EIF4G3: variants seen among roughly 807,000 people sequenced by gnomAD.
EIF4G3 encodes the protein eIF-4-gamma 3.
EIF4G3 carries 34 observed loss-of-function variants against 186.4 expected under a neutral mutation model. That is an observed-to-expected ratio of 0.18 (90% CI 0.14 to 0.24). EIF4G3 has a LOEUF of 0.24. Among genes scored for constraint, EIF4G3 ranks in the 10% least tolerant of loss-of-function variants. The probability of loss-of-function intolerance (pLI) is 1.00; values close to 1 mark genes in which losing one functional copy is unlikely to be tolerated. For missense variants in EIF4G3, 1,536 were observed against 1,948.5 expected, an observed-to-expected ratio of 0.79 and a Z score of 3.99; for synonymous variants, 673 against 679.5, an observed-to-expected ratio of 0.99 and a Z score of 0.15.
chr1:20,835,274 AAG>A (rs1313134539), intron 30 of EIF4G3, among the ~76,000 whole-genome samples: 1 of 152,212 alleles, frequency 6.6e-6, no homozygotes, highest in African/African-American at 2.4e-5. Flanking sequence ...TATATCAAAA[AAG>A]AAAAAAGATC....
chr1:21,140,328 T>C (rs1467921855), intron 2 of EIF4G3, among the ~76,000 whole-genome samples: 1 of 152,202 alleles, frequency 6.6e-6, no homozygotes, highest in African/African-American at 2.4e-5. Context: ...TTTTTTTCTT[T>C]TTTGAGACAG....
chr1:21,063,564 G>C (rs1410160893), intron 3 of EIF4G3, among the ~76,000 whole-genome samples: 1 of 151,858 alleles, frequency 6.6e-6, no homozygotes, highest in East Asian at 1.9e-4. Context: ...AGTAAAGAAA[G>C]CAGGACAGAA....
At chr1:20,864,334 C>A in intron 22 of EIF4G3, 142 bp downstream of exon 22, 1 of 696,000 alleles carries the variant, frequency 1.4e-6, no homozygotes, top group Non-Finnish European at 2.5e-6. Flanking sequence ...GATGGTTGAA[C>A]ACTGACAATG....
chr1:20,981,384 A>C (rs1195170501), intron 8 of EIF4G3, 157 bp from the exon 9 acceptor site: 3 of 597,030 alleles, frequency 5.0e-6, no homozygotes, highest in Admixed American at 3.1e-5. Flanking sequence ...CTGGGTTCCC[A>C]AAAATATACC....
At position 20,817,500 on chromosome 1, in the gene EIF4G3, A is replaced by C. The variant is rs750974872; in HGVS notation, c.4407T>G (p.Ser1469=). The C allele has an allele frequency of 6.2e-7, 1 of 1,607,050 alleles. No homozygotes were observed. The highest frequency in any genetic ancestry group is 8.5e-7 in the Non-Finnish European group (1 of 1,175,954). ...ACAGTTCTTTCTTTGAAAGTGCTTCAGAGGAACAGGGACTGTCAGACTCTA... is the reference window on the plus strand; with the variant it reads ...ACAGTTCTTTCTTTGAAAGTGCTTCCGAGGAACAGGGACTGTCAGACTCTA... ...DFIESDSPCS[S]EALSKKELSA... is the part of the protein sequence containing the mutation. The change falls in exon 34 of 37, where the codon TCT becomes TCG. Residue 1469 remains serine (S), a synonymous_variant. Coordinates refer to ENST00000602326, the MANE Select transcript of EIF4G3 (RefSeq NM_001391906.1).
chr1:20,893,064 C>T, intron 18 of EIF4G3: 1 of 234,356 alleles, frequency 4.3e-6, no homozygotes, highest in Non-Finnish European at 8.2e-6. Flanking sequence ...TAAGCATGCG[C>T]CAGCATGCCT....
intron 14 of EIF4G3, among the ~76,000 whole-genome samples, chr1:20,938,848 C>A (rs1205800752): frequency 6.6e-6 from 1 of 152,154 alleles, no homozygotes; most frequent in Non-Finnish European, 1.5e-5. Context: ...GTGGCTCATG[C>A]CTGTAATCCC....
intron 36 of EIF4G3, among the ~76,000 whole-genome samples, chr1:20,809,303 T>C (rs577118700): frequency 5.3e-5 from 8 of 152,224 alleles, no homozygotes; most frequent in Non-Finnish European, 1.0e-4. Context: ...TCATGGTAGA[T>C]TGTCTCTTCA....
At chr1:21,008,307 A>C (rs891440548) in intron 4 of EIF4G3, among the ~76,000 whole-genome samples, 2 of 152,044 alleles carry the variant, frequency 1.3e-5, no homozygotes, top group African/African-American at 4.8e-5. Context: ...ATAAGGCCTA[A>C]GATAGATGAC....
At chr1:21,063,705 T>TG (rs59671548) in intron 3 of EIF4G3, among the ~76,000 whole-genome samples, 484 of 45,510 alleles carry the variant, frequency 0.011, 1 homozygote, top group Middle Eastern at 0.04. Context: ...CTTTTCATTT[T>TG]GGGGGGGGGG....
chr1:21,041,693 T>C (rs2093590727), intron 4 of EIF4G3, among the ~76,000 whole-genome samples: 1 of 152,202 alleles, frequency 6.6e-6, no homozygotes, highest in African/African-American at 2.4e-5. Flanking sequence ...TAACAAAATG[T>C]TGGCAACATG....
intron 15 of EIF4G3, among the ~76,000 whole-genome samples, chr1:20,900,402 A>G (rs2089883799): frequency 6.6e-6 from 1 of 152,090 alleles, no homozygotes; most frequent in Non-Finnish European, 1.5e-5. Flanking sequence ...AAGTCCTATA[A>G]AACTGATCAT....
intron 12 of EIF4G3, among the ~76,000 whole-genome samples, chr1:20,951,233 A>G (rs1469752297): frequency 1.3e-5 from 2 of 152,142 alleles, no homozygotes; most frequent in Non-Finnish European, 2.9e-5. Flanking sequence ...ACAATTTAGG[A>G]TGATAGATAT....
At chr1:20,997,972 GTTATA>G (rs1209414047) in intron 6 of EIF4G3, among the ~76,000 whole-genome samples, 1 of 151,298 alleles carries the variant, frequency 6.6e-6, no homozygotes, top group African/African-American at 2.4e-5. Context: ...AAATTAAGTG[GTTATA>G]TTAAGACAAA....
At chr1:20,898,873 G>A (rs2089346719) in intron 16 of EIF4G3, among the ~76,000 whole-genome samples, 1 of 152,188 alleles carries the variant, frequency 6.6e-6, no homozygotes, top group Admixed American at 6.5e-5. Flanking sequence ...TGAAATTACA[G>A]GCATGTGCCA....
intron 12 of EIF4G3, among the ~76,000 whole-genome samples, chr1:20,952,589 C>T (rs1238460014): frequency 6.6e-6 from 1 of 152,176 alleles, no homozygotes; most frequent in Non-Finnish European, 1.5e-5. Context: ...TGGCTCATGC[C>T]TGTAATCCCA....
chr1:21,176,145 G>A, intron 2 of EIF4G3, 30 bp downstream of exon 2: 1 of 370,922 alleles, frequency 2.7e-6, no homozygotes. Context: ...GACGAGAACC[G>A]AAGGGCCGAC....
intron 33 of EIF4G3, among the ~76,000 whole-genome samples, chr1:20,824,784 C>T (rs1422829037): frequency 3.9e-5 from 6 of 152,204 alleles, no homozygotes; most frequent in African/African-American, 1.4e-4. Flanking sequence ...CTGCTTCTGG[C>T]CTGCCATCAG....
intron 20 of EIF4G3, among the ~76,000 whole-genome samples, chr1:20,871,931 C>T (rs1040634801): frequency 4.6e-5 from 7 of 151,896 alleles, no homozygotes; most frequent in Admixed American, 2.6e-4. Context: ...TCAAGTGATT[C>T]TCGTGCCTCA....
Sources: gnomAD v4.1 joint callset for allele counts (sites outside exome capture counted in the v4.1 genomes callset) on GRCh38, gnomAD v4.1.1 for gene constraint, MANE v1.5 for transcripts, NCBI Gene and HGNC (gene_info 2026-07-23, HGNC 2026-07-21) for gene names.